HSDL2: variants seen among roughly 807,000 people sequenced by gnomAD.
HSDL2 encodes hydroxysteroid dehydrogenase like 2.
In HSDL2, 27 loss-of-function variants were observed where a neutral mutation model predicts 46.3. The ratio of observed to expected loss-of-function variants is 0.58; its 90% CI spans 0.43 to 0.80. HSDL2 has a LOEUF of 0.80. HSDL2 is among the 30% of genes least tolerant of loss of function. The pLI is 0.00. For synonymous variants in HSDL2, 153 were observed against 163.6 expected, an observed-to-expected ratio of 0.94 and a Z score of 0.50; for missense variants, 451 against 502.7, an observed-to-expected ratio of 0.90 and a Z score of 0.98.
At chr9:112,429,787 T>C (rs1024487732) in intron 6 of HSDL2, among the ~76,000 whole-genome samples, 1 of 152,156 alleles carries the variant, frequency 6.6e-6, no homozygotes, top group South Asian at 2.1e-4. Flanking sequence ...CAATTTAAAA[T>C]AGAGTAGAAA....
At chr9:112,432,838 G>A (rs1356340750) in intron 6 of HSDL2, among the ~76,000 whole-genome samples, 2 of 152,160 alleles carry the variant, frequency 1.3e-5, no homozygotes, top group Non-Finnish European at 2.9e-5. Flanking sequence ...CGCCATCTCG[G>A]CTCACTGAAA....
At chr9:112,393,795 G>A (rs528970331) in intron 1 of HSDL2, among the ~76,000 whole-genome samples, 24 of 152,302 alleles carry the variant, frequency 1.6e-4, no homozygotes, top group African/African-American at 5.8e-4. Flanking sequence ...GTCAAAACAG[G>A]AGTTAACACA....
At chr9:112,452,302 G>C (rs1832905713) in intron 8 of HSDL2, among the ~76,000 whole-genome samples, 1 of 152,166 alleles carries the variant, frequency 6.6e-6, no homozygotes, top group Admixed American at 6.5e-5. Context: ...TATTAGACAA[G>C]ATGGCTGTGT....
intron 8 of HSDL2, among the ~76,000 whole-genome samples, chr9:112,451,695 A>G (rs1832888335): frequency 1.3e-5 from 2 of 150,432 alleles, no homozygotes; most frequent in Non-Finnish European, 3.0e-5. Flanking sequence ...GCTTGGTGTC[A>G]TGGTAATACT....
At chr9:112,399,269 A>G (rs7046534) in intron 1 of HSDL2, among the ~76,000 whole-genome samples, 42,180 of 152,028 alleles carry the variant, frequency 0.28, 6,048 homozygotes, top group Middle Eastern at 0.37. Context: ...GCAAGGTTTT[A>G]TTAAAGGTTT....
intron 1 of HSDL2, among the ~76,000 whole-genome samples, chr9:112,390,854 A>G (rs980946686): frequency 2.6e-5 from 4 of 152,198 alleles, no homozygotes; most frequent in Non-Finnish European, 4.4e-5. Flanking sequence ...AGCCCTGGCC[A>G]TAAAAGAAAA....
intron 6 of HSDL2, among the ~76,000 whole-genome samples, chr9:112,419,971 A>G (rs531268269): frequency 5.3e-5 from 8 of 152,366 alleles, no homozygotes; most frequent in Non-Finnish European, 1.0e-4. Context: ...AAAAGAGACG[A>G]TAACATTTCA....
At chr9:112,430,905 AGCC>A (rs1832374177) in intron 6 of HSDL2, among the ~76,000 whole-genome samples, 1 of 151,972 alleles carries the variant, frequency 6.6e-6, no homozygotes, top group South Asian at 2.1e-4. Flanking sequence ...ACAAAAAATT[AGCC>A]TGGCATGGTG....
chr9:112,402,802 T>C (rs1424942146), intron 1 of HSDL2, among the ~76,000 whole-genome samples: 1 of 152,072 alleles, frequency 6.6e-6, no homozygotes, highest in Non-Finnish European at 1.5e-5. Flanking sequence ...ACGCCTGTAG[T>C]CCCAGCTACT....
In HSDL2 at chr9:112,470,554, T is replaced by A. The variant is rs533184841; in HGVS notation, c.*10T>A. 4 of 1,490,580 alleles carry A rather than the reference T, an allele frequency of 2.7e-6. No individual in the cohort carries two copies. The highest frequency in any genetic ancestry group is 3.7e-6 in the Non-Finnish European group (4 of 1,091,254). The allele number at this position is 1,490,580 out of a possible 1,614,324, so 92.3% of individuals were successfully genotyped here. A position where few individuals can be genotyped will look rare whatever the true frequency, so the allele number is the denominator to read the frequency against. Reference sequence around the variant, plus strand: ...GAATGCCAGACTGTGAAGGAAAATATAAAAAAAAAGTCGACTGCTATGCTC... The same window carrying A: ...GAATGCCAGACTGTGAAGGAAAATAAAAAAAAAAAGTCGACTGCTATGCTC... On this transcript the variant is annotated 3_prime_UTR_variant, in exon 11 of 11. Coordinates refer to ENST00000398805, the MANE Select transcript of HSDL2 (RefSeq NM_032303.5).
intron 7 of HSDL2, among the ~76,000 whole-genome samples, chr9:112,440,237 A>C (rs967741060): frequency 2.6e-5 from 4 of 152,142 alleles, no homozygotes; most frequent in Non-Finnish European, 5.9e-5. Flanking sequence ...TAAAATGACC[A>C]GATACTATGA....
intron 6 of HSDL2, among the ~76,000 whole-genome samples, chr9:112,421,640 A>G (rs1187045624): frequency 6.6e-6 from 1 of 152,122 alleles, no homozygotes; most frequent in Non-Finnish European, 1.5e-5. Flanking sequence ...GCCTCAAGTG[A>G]TATATCCTCC....
At chr9:112,421,798 T>C (rs1261679216) in intron 6 of HSDL2, among the ~76,000 whole-genome samples, 1 of 152,230 alleles carries the variant, frequency 6.6e-6, no homozygotes, top group African/African-American at 2.4e-5. Context: ...CTGGAATTCA[T>C]GTCCCTGCCG....
chr9:112,467,727 T>G (rs1274989299), intron 10 of HSDL2, among the ~76,000 whole-genome samples: 2 of 152,154 alleles, frequency 1.3e-5, no homozygotes, highest in East Asian at 3.8e-4. Flanking sequence ...AGTCTTCCTG[T>G]ACTCTTCCCA....
intron 1 of HSDL2, among the ~76,000 whole-genome samples, chr9:112,380,957 A>G (rs1323644097): frequency 6.6e-6 from 1 of 152,264 alleles, no homozygotes; most frequent in African/African-American, 2.4e-5. Flanking sequence ...ATGCAGGCAT[A>G]TAGCCAAAGA....
At chr9:112,401,967 C>T (rs1004795856) in intron 1 of HSDL2, among the ~76,000 whole-genome samples, 11 of 152,138 alleles carry the variant, frequency 7.2e-5, no homozygotes, top group African/African-American at 1.7e-4. Flanking sequence ...ATTTTAAAAC[C>T]GCTTCCCACT....
chr9:112,396,723 G>A (rs1265936142), intron 1 of HSDL2, among the ~76,000 whole-genome samples: 1 of 152,114 alleles, frequency 6.6e-6, no homozygotes. Context: ...GGCCCCGTGA[G>A]GACAATTAAA....
intron 6 of HSDL2, among the ~76,000 whole-genome samples, chr9:112,427,852 T>C (rs1201186088): frequency 6.6e-6 from 1 of 152,218 alleles, no homozygotes; most frequent in African/African-American, 2.4e-5. Flanking sequence ...AACTATTGAT[T>C]GGACAGTTAT....
chr9:112,444,337 A>G (rs972061363), intron 8 of HSDL2, among the ~76,000 whole-genome samples: 1 of 152,154 alleles, frequency 6.6e-6, no homozygotes, highest in Admixed American at 6.6e-5. Flanking sequence ...CCATTTCATT[A>G]TACCTTTTCC....
Sources: gnomAD v4.1 joint callset for allele counts (sites outside exome capture counted in the v4.1 genomes callset) on GRCh38, gnomAD v4.1.1 for gene constraint, MANE v1.5 for transcripts, NCBI Gene and HGNC (gene_info 2026-07-23, HGNC 2026-07-21) for gene names.